The following CSMD1 variants were observed in gnomAD, a reference collection of about 807,000 sequenced individuals.
The protein encoded by CSMD1 is CUB and sushi domain-containing protein 1.
Under a neutral mutation model 417.5 loss-of-function variants are expected in CSMD1, and 213 were observed. The ratio of observed to expected loss-of-function variants is 0.51; its 90% CI spans 0.46 to 0.57. The LOEUF is 0.57. Ranked by LOEUF, CSMD1 falls within the 20% of genes least tolerant of loss-of-function variation. The probability of loss-of-function intolerance (pLI) is 0.00; values close to 1 mark genes in which losing one functional copy is unlikely to be tolerated. For synonymous variants in CSMD1, 2,862 were observed against 1,736.8 expected (o/e 1.65, Z -16.11); for missense variants, 6,923 against 4,529.7 (o/e 1.53, Z -15.17).
chr8:4,539,510 A>G (rs144136544), intron 2 of CSMD1, among the ~76,000 whole-genome samples: 48 of 152,322 alleles, frequency 3.2e-4, no homozygotes, highest in African/African-American at 1.0e-3. Flanking sequence ...ATCCTCTAAT[A>G]TTTCATTAGC....
intron 1 of CSMD1, among the ~76,000 whole-genome samples, chr8:4,726,684 A>T (rs997543104): frequency 6.6e-6 from 1 of 152,114 alleles, no homozygotes; most frequent in Non-Finnish European, 1.5e-5. Context: ...CTGCTGTCCT[A>T]TTTCATCAGT....
intron 47 of CSMD1, among the ~76,000 whole-genome samples, chr8:3,096,095 T>A (rs1403883400): frequency 1.3e-5 from 2 of 152,198 alleles, no homozygotes; most frequent in East Asian, 3.8e-4. Context: ...TGTGAATTGA[T>A]ATTACATATA....
At chr8:3,210,948 T>C (rs1160744089) in intron 30 of CSMD1, among the ~76,000 whole-genome samples, 1 of 151,842 alleles carries the variant, frequency 6.6e-6, no homozygotes, top group Non-Finnish European at 1.5e-5. Context: ...CTCTATATAA[T>C]TGCTAAAGAT....
intron 4 of CSMD1, among the ~76,000 whole-genome samples, chr8:4,030,845 G>C (rs556917006): frequency 6.6e-6 from 1 of 152,278 alleles, no homozygotes; most frequent in Admixed American, 6.5e-5. Context: ...ATGCTTTGCT[G>C]CTTAGAAATT....
chr8:3,008,994 G>A (rs921236017), intron 52 of CSMD1, among the ~76,000 whole-genome samples: 1 of 152,196 alleles, frequency 6.6e-6, no homozygotes, highest in South Asian at 2.1e-4. Flanking sequence ...TCCCTGATTT[G>A]GAAATGTAAT....
At position 4,903,639 on chromosome 8, in the gene CSMD1, C is replaced by T. The variant is rs2117054347; in HGVS notation, c.85+90693G>A. Among the ~76,000 whole-genome samples the T allele has an allele frequency of 1.3e-5, 2 of 152,298 alleles. 1 individual carries two copies. The highest frequency in any genetic ancestry group is 6.8e-3 in the Middle Eastern group (2 of 294). On this transcript the variant is annotated intron_variant, in intron 1 of 69. Transcript: ENST00000635120. ...TTATGAAGTAAACTTGGATTAGAAA[C>T]TCCTTTCTTTGAAGCAAGTTATTCA... is the stretch of plus-strand genomic sequence containing the variant.
intron 5 of CSMD1, among the ~76,000 whole-genome samples, chr8:3,799,812 A>T (rs141669392): frequency 3.0e-4 from 46 of 152,248 alleles, no homozygotes; most frequent in African/African-American, 1.1e-3. Flanking sequence ...GAATATTACA[A>T]ATCTCTAATC....
chr8:4,174,664 C>G (rs1403763053), intron 3 of CSMD1, among the ~76,000 whole-genome samples: 1 of 132,344 alleles, frequency 7.6e-6, no homozygotes, highest in Non-Finnish European at 1.6e-5. Flanking sequence ...AGGAAACAGA[C>G]CCATGCTAAC....
chr8:3,841,344 A>G (rs1384537106), intron 5 of CSMD1, among the ~76,000 whole-genome samples: 2 of 152,150 alleles, frequency 1.3e-5, no homozygotes, highest in Non-Finnish European at 2.9e-5. Context: ...GCATTTTTGG[A>G]CTTCTTTAAC....
chr8:4,860,551 C>T (rs1802070694), intron 1 of CSMD1, among the ~76,000 whole-genome samples: 1 of 152,044 alleles, frequency 6.6e-6, no homozygotes, highest in Non-Finnish European at 1.5e-5. Flanking sequence ...GATGCTCGTG[C>T]CATGCTTTCT....
intron 21 of CSMD1, among the ~76,000 whole-genome samples, chr8:3,351,493 C>T (rs1330278866): frequency 6.6e-6 from 1 of 151,472 alleles, no homozygotes; most frequent in Non-Finnish European, 1.5e-5. Context: ...TGCCTGTAAT[C>T]CCAGCTACTT....
chr8:3,727,814 A>G (rs1802581999), intron 6 of CSMD1, among the ~76,000 whole-genome samples: 1 of 152,234 alleles, frequency 6.6e-6, no homozygotes, highest in South Asian at 2.1e-4. Context: ...TACATGCCAC[A>G]GATGGGTGAG....
At chr8:3,690,226 G>C (rs889588684) in intron 7 of CSMD1, among the ~76,000 whole-genome samples, 1 of 152,154 alleles carries the variant, frequency 6.6e-6, no homozygotes, top group African/African-American at 2.4e-5. Flanking sequence ...AGGCATGGTG[G>C]TGTGCACCTG....
chr8:3,198,870 G>C (rs1796840948), intron 33 of CSMD1, among the ~76,000 whole-genome samples: 1 of 152,128 alleles, frequency 6.6e-6, no homozygotes, highest in Admixed American at 6.6e-5. Flanking sequence ...ATACTTAACA[G>C]TGGCCATTAG....
chr8:3,297,238 T>C (rs1223991648), intron 25 of CSMD1, among the ~76,000 whole-genome samples: 1 of 152,180 alleles, frequency 6.6e-6, no homozygotes, highest in Non-Finnish European at 1.5e-5. Flanking sequence ...TTATAAAAGA[T>C]GTCAGTTTTC....
chr8:4,634,813 T>A (rs573544241), intron 2 of CSMD1, among the ~76,000 whole-genome samples: 2 of 152,138 alleles, frequency 1.3e-5, no homozygotes, highest in African/African-American at 4.8e-5. Flanking sequence ...TCATGTGTTT[T>A]CCCTGACAAC....
At chr8:4,049,211 C>A (rs543410336) in intron 3 of CSMD1, among the ~76,000 whole-genome samples, 2 of 151,952 alleles carry the variant, frequency 1.3e-5, no homozygotes, top group African/African-American at 2.4e-5. Flanking sequence ...TCTATCTATT[C>A]TGATACCATA....
chr8:4,296,341 A>T (rs112096668), intron 3 of CSMD1, among the ~76,000 whole-genome samples: 6,547 of 152,212 alleles, frequency 0.043, 195 homozygotes, highest in South Asian at 0.1. Context: ...GGGATTATGC[A>T]CTATAAACTC....
intron 16 of CSMD1, among the ~76,000 whole-genome samples, chr8:3,397,620 A>G (rs1367091580): frequency 6.6e-6 from 1 of 152,150 alleles, no homozygotes; most frequent in Non-Finnish European, 1.5e-5. Context: ...TTTTCTTAAA[A>G]CTGATTTCTC....
Sources: gnomAD v4.1 joint callset for allele counts (sites outside exome capture counted in the v4.1 genomes callset) on GRCh38, gnomAD v4.1.1 for gene constraint, MANE v1.5 for transcripts, NCBI Gene and HGNC (gene_info 2026-07-23, HGNC 2026-07-21) for gene names.